Variants in ITSN1 observed in about 807,000 individuals in gnomAD.
The protein encoded by ITSN1 is intersectin 1.
Under a neutral mutation model 239.8 loss-of-function variants are expected in ITSN1, and 58 were observed. That is an observed-to-expected ratio of 0.24 (90% CI 0.20 to 0.30). ITSN1 has a LOEUF of 0.30. ITSN1 is among the 10% of genes least tolerant of loss of function. The pLI is 1.00. For missense variants in ITSN1, 1,558 were observed against 2,103.3 expected (o/e 0.74, Z 5.07); for synonymous variants, 780 against 770.8 (o/e 1.01, Z -0.20).
Position 33,719,269 on chromosome 21 carries a change from T to A in ITSN1, c.28+413T>A, listed in dbSNP as rs547542825. On this transcript the variant is annotated intron_variant, in intron 2 of 39. Transcript: ENST00000381318. ...CAGCCTGGCCAACATAGTGAAACCC[T>A]GTCTCTATGAAAAATACAAAAATTA... Among the ~76,000 whole-genome samples, 30 of 152,200 alleles carry A rather than the reference T, an allele frequency of 2.0e-4. No homozygotes were observed. In the South Asian group the frequency reaches 6.2e-3, roughly 32 times the overall value.
chr21:33,845,241 G>T (rs190051592), intron 29 of ITSN1, among the ~76,000 whole-genome samples: 1 of 89,274 alleles, frequency 1.1e-5, no homozygotes, highest in East Asian at 2.1e-4. Context: ...CTCTGAAGAG[G>T]GGGGATGGAG....
chr21:33,829,124 C>G (rs1306613655), intron 26 of ITSN1: 1 of 406,968 alleles, frequency 2.5e-6, no homozygotes, highest in African/African-American at 2.1e-5. Flanking sequence ...AAGCCCCTGC[C>G]GGGCTCCCAG....
intron 1 of ITSN1, among the ~76,000 whole-genome samples, chr21:33,673,001 G>A (rs150046849): frequency 1.8e-4 from 27 of 152,244 alleles, no homozygotes; most frequent in Middle Eastern, 3.4e-3. Flanking sequence ...GAGGCACCAC[G>A]CCTGGCGGAA....
chr21:33,665,520 C>G (rs1399211866), intron 1 of ITSN1, among the ~76,000 whole-genome samples: 1 of 152,016 alleles, frequency 6.6e-6, no homozygotes, highest in Non-Finnish European at 1.5e-5. Flanking sequence ...AAACTGGAAT[C>G]CTCATATATT....
intron 29 of ITSN1, 89 bp from the exon 30 acceptor site, chr21:33,856,647 G>T (rs930298370): frequency 6.9e-6 from 11 of 1,586,338 alleles, no homozygotes; most frequent in Non-Finnish European, 8.6e-6. Flanking sequence ...CAAGCCCTCA[G>T]GACCCAGCAG....
intron 1 of ITSN1, among the ~76,000 whole-genome samples, chr21:33,714,554 GTTATAT>G (rs1212744657): frequency 6.6e-6 from 1 of 152,088 alleles, no homozygotes; most frequent in Non-Finnish European, 1.5e-5. Context: ...AATCATAAGA[GTTATAT>G]TTATGTTTGC....
chr21:33,690,240 T>C (rs1601652672), intron 1 of ITSN1, among the ~76,000 whole-genome samples: 1 of 151,600 alleles, frequency 6.6e-6, no homozygotes, highest in African/African-American at 2.4e-5. Context: ...ATCACACTTC[T>C]GCATTCCAGC....
At chr21:33,720,732 T>C (rs2065433364) in intron 2 of ITSN1, among the ~76,000 whole-genome samples, 1 of 152,206 alleles carries the variant, frequency 6.6e-6, no homozygotes. Flanking sequence ...ATATTAATAT[T>C]TTAATCACCC....
At chr21:33,852,593 A>T (rs1193580407) in intron 29 of ITSN1, among the ~76,000 whole-genome samples, 1 of 152,188 alleles carries the variant, frequency 6.6e-6, no homozygotes, top group Non-Finnish European at 1.5e-5. Flanking sequence ...CCAGAAGGCC[A>T]TCACATCTCT....
intron 1 of ITSN1, among the ~76,000 whole-genome samples, chr21:33,711,012 C>G (rs915162916): frequency 5.9e-5 from 9 of 151,578 alleles, no homozygotes; most frequent in Admixed American, 5.9e-4. Flanking sequence ...AGGATGGTCT[C>G]GATCTCCTGA....
intron 19 of ITSN1, 55 bp from the exon 20 acceptor site, chr21:33,802,375 A>G: frequency 1.9e-6 from 3 of 1,563,116 alleles, no homozygotes; most frequent in South Asian, 2.2e-5. Context: ...AGAATAAAGC[A>G]TGTCATTAAA....
At chr21:33,862,510 G>T (rs971677594) in intron 31 of ITSN1, among the ~76,000 whole-genome samples, 1 of 152,150 alleles carries the variant, frequency 6.6e-6, no homozygotes, top group African/African-American at 2.4e-5. Context: ...AGGAGAGAGG[G>T]CATGGAGCAG....
At chr21:33,823,880 T>A (rs2148311710) in intron 25 of ITSN1, among the ~76,000 whole-genome samples, 1 of 152,274 alleles carries the variant, frequency 6.6e-6, no homozygotes, top group Middle Eastern at 3.4e-3. Context: ...CTGAGTGTGA[T>A]GGGGCTGGTC....
chr21:33,826,483 T>G (rs1023713128), intron 25 of ITSN1, among the ~76,000 whole-genome samples: 4 of 152,356 alleles, frequency 2.6e-5, no homozygotes, highest in African/African-American at 9.6e-5. Flanking sequence ...GCTTAGTGTT[T>G]AGGATGTAAA....
chr21:33,822,338 C>T (rs1322205840), intron 24 of ITSN1, among the ~76,000 whole-genome samples: 1 of 152,006 alleles, frequency 6.6e-6, no homozygotes, highest in African/African-American at 2.4e-5. Context: ...ACACGAGGCT[C>T]GACATTAAAG....
chr21:33,872,913 G>C (rs1352483210), intron 33 of ITSN1, among the ~76,000 whole-genome samples: 1 of 152,176 alleles, frequency 6.6e-6, no homozygotes, highest in East Asian at 1.9e-4. Flanking sequence ...TAGAAAAATT[G>C]ATAAACCTGT....
chr21:33,827,580 A>T (rs1379168875), intron 26 of ITSN1, among the ~76,000 whole-genome samples: 1 of 152,140 alleles, frequency 6.6e-6, no homozygotes, highest in East Asian at 1.9e-4. Context: ...CAAACAATGG[A>T]GAAGATTAGA....
chr21:33,846,500 C>T (rs953149994), intron 29 of ITSN1, among the ~76,000 whole-genome samples: 3 of 152,206 alleles, frequency 2.0e-5, no homozygotes, highest in African/African-American at 4.8e-5. Context: ...CACTAATGAA[C>T]AGCGATGGTA....
At chr21:33,702,114 TTTTTTTTTTTTTTTTTTTTTA>T (rs2092046025) in intron 1 of ITSN1, among the ~76,000 whole-genome samples, 1 of 3,702 alleles carries the variant, frequency 2.7e-4, no homozygotes. Flanking sequence ...TTTTTTTTTT[TTTTTTTTTTTTTTTTTTTTTA>T]GACGGAGTCT....
Sources: allele counts gnomAD v4.1 joint callset (sites outside exome capture counted in the v4.1 genomes callset), GRCh38; gene constraint gnomAD v4.1.1; transcripts MANE v1.5; gene names NCBI Gene and HGNC (gene_info 2026-07-23, HGNC 2026-07-21).